Variants in FRMD4A observed in about 807,000 individuals in gnomAD.
FRMD4A encodes the protein FERM domain-containing protein 4A.
Under a neutral mutation model 129.1 loss-of-function variants are expected in FRMD4A, and 29 were observed. The ratio of observed to expected loss-of-function variants is 0.22; its 90% confidence interval spans 0.17 to 0.31. FRMD4A has a LOEUF of 0.31. Ranked by LOEUF, FRMD4A falls within the 10% of genes least tolerant of loss-of-function variation. FRMD4A has a pLI of 1.00. For synonymous variants in FRMD4A, 634 were observed against 571.6 expected (o/e 1.11, Z -1.56); for missense variants, 1,272 against 1,375.8 (o/e 0.92, Z 1.19).
chr10:14,034,015 T>C (rs563607276), intron 2 of FRMD4A, among the ~76,000 whole-genome samples: 1 of 152,218 alleles, frequency 6.6e-6, no homozygotes, highest in East Asian at 1.9e-4. Context: ...AAATCAAATA[T>C]CGCATGTTCT....
chr10:14,135,965 G>A (rs997580495), intron 2 of FRMD4A, among the ~76,000 whole-genome samples: 5 of 152,124 alleles, frequency 3.3e-5, no homozygotes, highest in Admixed American at 1.3e-4. Flanking sequence ...TAAACATACC[G>A]TGGTTCCCCC....
Position 13,993,850 on chromosome 10 carries a change from T to A in FRMD4A, c.46-134938A>T, listed in dbSNP as rs200391089. 2.7e-3 allele frequency among the ~76,000 whole-genome samples: 391 copies of A among 147,068 alleles called. 1 individual carries two copies. The highest frequency in any genetic ancestry group is 8.9e-3 in the African/African-American group (360 of 40,612). ...GACCTGTCAGAATAGGTTTTTTTTT[T>A]TTAAAAAAATATATATTCTGATTTA... On this transcript the variant is annotated intron_variant, in intron 2 of 24. Coordinates refer to ENST00000357447, the MANE Select transcript of FRMD4A (RefSeq NM_018027.5).
At chr10:13,733,292 T>C (rs575315832) in intron 12 of FRMD4A, among the ~76,000 whole-genome samples, 49 of 152,384 alleles carry the variant, frequency 3.2e-4, no homozygotes, top group Non-Finnish European at 6.2e-4. Flanking sequence ...TTAGGTCTTC[T>C]TGTAGCTAAG....
At chr10:14,074,057 G>A (rs1405258200) in intron 2 of FRMD4A, among the ~76,000 whole-genome samples, 1 of 152,222 alleles carries the variant, frequency 6.6e-6, no homozygotes. Context: ...GCTGAACAGA[G>A]CTGAGATCGT....
At chr10:14,188,912 A>C (rs1003918747) in intron 2 of FRMD4A, among the ~76,000 whole-genome samples, 1 of 152,198 alleles carries the variant, frequency 6.6e-6, no homozygotes, top group African/African-American at 2.4e-5. Context: ...TCTCAAAAAC[A>C]AAACCAAACA....
chr10:14,055,962 T>A (rs1834507131), intron 2 of FRMD4A, among the ~76,000 whole-genome samples: 1 of 152,024 alleles, frequency 6.6e-6, no homozygotes, highest in African/African-American at 2.4e-5. Flanking sequence ...TGAGACGGAG[T>A]CTCGCTCTTT....
intron 2 of FRMD4A, among the ~76,000 whole-genome samples, chr10:14,303,751 C>A (rs1306403081): frequency 6.6e-6 from 1 of 152,068 alleles, no homozygotes; most frequent in South Asian, 2.1e-4. Flanking sequence ...GCTTTTTCCC[C>A]CTCTTCATTC....
In FRMD4A at chr10:13,746,895, G is replaced by C. The variant is rs565999658; in HGVS notation, c.548+841C>G. ...AACCTGGGAGTCTTTCAAATGGCTT[G>C]AATCATTCAGAATCAGCCATTTAGG... On this transcript the variant is annotated intron_variant, in intron 9 of 24. Transcript: ENST00000357447. Among the ~76,000 whole-genome samples, 175 of 152,250 alleles carry C rather than the reference G, an allele frequency of 1.1e-3. 1 individual carries two copies. The highest frequency in any genetic ancestry group is 4.2e-3 in the African/African-American group (173 of 41,540).
intron 4 of FRMD4A, among the ~76,000 whole-genome samples, chr10:13,805,181 T>C (rs184233100): frequency 2.5e-3 from 380 of 152,232 alleles, no homozygotes; most frequent in Middle Eastern, 0.017. Context: ...TCTTGCTCTG[T>C]TGCCCAGGCA....
At chr10:13,652,363 C>A in intron 23 of FRMD4A, 1 of 218,354 alleles carries the variant, frequency 4.6e-6, no homozygotes, top group South Asian at 9.0e-5. Context: ...CATTTCGGAG[C>A]CTGTTGACAG....
chr10:13,703,615 C>G (rs1007998094), intron 13 of FRMD4A, among the ~76,000 whole-genome samples: 7 of 152,220 alleles, frequency 4.6e-5, no homozygotes, highest in Admixed American at 1.3e-4. Flanking sequence ...GAACACCAAA[C>G]TAACGTGAGG....
intron 15 of FRMD4A, among the ~76,000 whole-genome samples, chr10:13,688,776 T>TA (rs1286618136): frequency 6.6e-6 from 1 of 152,100 alleles, no homozygotes; most frequent in Non-Finnish European, 1.5e-5. Flanking sequence ...TGCAGTGGTG[T>TA]AATTTCAGCT....
intron 2 of FRMD4A, among the ~76,000 whole-genome samples, chr10:13,878,529 G>A (rs1321848430): frequency 6.6e-6 from 1 of 152,104 alleles, no homozygotes; most frequent in Non-Finnish European, 1.5e-5. Flanking sequence ...GAGGCGGGCA[G>A]ATCACCTGAG....
chr10:13,996,046 C>T (rs2095621415), intron 2 of FRMD4A, among the ~76,000 whole-genome samples: 1 of 152,132 alleles, frequency 6.6e-6, no homozygotes, highest in South Asian at 2.1e-4. Context: ...AATATTAAGG[C>T]AGATTCGGTG....
At chr10:13,963,499 C>A (rs553779786) in intron 2 of FRMD4A, among the ~76,000 whole-genome samples, 11 of 152,094 alleles carry the variant, frequency 7.2e-5, no homozygotes, top group Admixed American at 2.0e-4. Flanking sequence ...TCCATCAGTC[C>A]AAGACTGGTT....
At chr10:14,242,243 A>AAGG (rs1252628695) in intron 2 of FRMD4A, among the ~76,000 whole-genome samples, 2 of 152,334 alleles carry the variant, frequency 1.3e-5, no homozygotes, top group African/African-American at 4.8e-5. Flanking sequence ...TGGGGATGAG[A>AAGG]AGAACGTCCA....
intron 2 of FRMD4A, among the ~76,000 whole-genome samples, chr10:14,073,656 G>A (rs1012216735): frequency 1.3e-5 from 2 of 152,100 alleles, no homozygotes; most frequent in Non-Finnish European, 2.9e-5. Flanking sequence ...AGAAGCGAAC[G>A]GAGTGAGGGG....
chr10:14,058,049 C>T (rs1024731318), intron 2 of FRMD4A, among the ~76,000 whole-genome samples: 2 of 152,210 alleles, frequency 1.3e-5, no homozygotes, highest in Admixed American at 6.5e-5. Context: ...TTAATTCCCA[C>T]CCAGGCCTTC....
intron 2 of FRMD4A, among the ~76,000 whole-genome samples, chr10:13,974,258 T>C (rs1178881059): frequency 6.6e-6 from 1 of 152,206 alleles, no homozygotes; most frequent in Admixed American, 6.5e-5. Context: ...TAAGCTCTTT[T>C]GAAAAATGAC....
Sources: allele counts gnomAD v4.1 joint callset (sites outside exome capture counted in the v4.1 genomes callset), GRCh38; gene constraint gnomAD v4.1.1; transcripts MANE v1.5; gene names NCBI Gene and HGNC (gene_info 2026-07-23, HGNC 2026-07-21).